The following MTERF4 variants were observed in gnomAD, a reference collection of about 807,000 sequenced individuals.
MTERF4 encodes mitochondrial transcription termination factor 4, also known as transcription termination factor 4, mitochondrial.
A neutral mutation model predicts 22.5 loss-of-function variants in MTERF4; 17 were observed. The observed-to-expected ratio is 0.75, with a 90% CI of 0.52 to 1.13. MTERF4 has a LOEUF of 1.13. Ranked by LOEUF, MTERF4 falls within the 50% of genes most tolerant of loss-of-function variation. The pLI, the probability that MTERF4 is intolerant of heterozygous loss-of-function variation, is 0.00. For missense variants in MTERF4, 420 were observed against 466.8 expected (o/e 0.90, Z 0.92); for synonymous variants, 165 against 175.3 (o/e 0.94, Z 0.47).
At chr2:241,087,942 G>A (rs1007687039), downstream of MTERF4, 5 of 403,812 alleles carry the variant, frequency 1.2e-5, no homozygotes, top group African/African-American at 6.2e-5. Context: ...CCACAGAGTC[G>A]AAGCCTGTCA....
chr2:241,089,365 C>T (rs775179349), downstream of MTERF4: 39 of 1,550,092 alleles, frequency 2.5e-5, no homozygotes, highest in Non-Finnish European at 3.1e-5. Flanking sequence ...TTGTTACGTG[C>T]CTAAAAAAAT....
chr2:241,046,196 A>G, the MTERF4 span, among the ~76,000 whole-genome samples: 1 of 152,230 alleles, frequency 6.6e-6, no homozygotes, highest in Non-Finnish European at 1.5e-5. Flanking sequence ...ACTCTCACAC[A>G]TTTTTAGTGG....
downstream of MTERF4, chr2:241,071,676 G>A (rs757543194): frequency 1.8e-4 from 282 of 1,552,284 alleles, 1 homozygote; most frequent in Non-Finnish European, 2.3e-4. Flanking sequence ...AGCTGCGCCT[G>A]CTCAATGACC....
chr2:241,054,203 G>A, the MTERF4 span, among the ~76,000 whole-genome samples: 1 of 152,076 alleles, frequency 6.6e-6, no homozygotes, highest in Admixed American at 6.5e-5. Flanking sequence ...CCACCTATAT[G>A]TTGCCAGAAG....
the MTERF4 span, chr2:241,065,177 T>C: frequency 9.7e-7 from 1 of 1,035,596 alleles, no homozygotes; most frequent in Non-Finnish European, 1.4e-6. Context: ...AAAGAAGGAC[T>C]CTGCCAGCGA....
At chr2:241,048,530 G>A in the MTERF4 span, 8 of 1,505,622 alleles carry the variant, frequency 5.3e-6, no homozygotes, top group East Asian at 4.8e-5. Context: ...GAAACGCCCC[G>A]AAAAGAAACG....
chr2:241,050,124 C>T, the MTERF4 span: 5 of 646,970 alleles, frequency 7.7e-6, no homozygotes, highest in Admixed American at 8.8e-5. Context: ...TTCTGATCTG[C>T]ACCAGTGCCA....
At position 241,096,560 on chromosome 2, in the gene MTERF4, C is replaced by A; in HGVS notation, c.706-122G>T. ...AAAAGAATTGCCTAATTGACAACAG[C>A]GAATACCCAGTCTAGGATACTGACA... On this transcript the variant is annotated intron_variant, in intron 3 of 3. Coordinates refer to ENST00000391980, the MANE Select transcript of MTERF4 (RefSeq NM_182501.4). The surrounding 1 kb of genome is among the most constrained non-coding windows in gnomAD (Gnocchi z 5.1). 9.7e-7 allele frequency: 1 copy of A among 1,031,126 alleles called. No homozygotes were observed. Among genetic ancestry groups the A allele is most frequent in the East Asian group, 2.5e-5 (1 of 40,778 alleles). 63.9% of individuals were successfully genotyped at this position (1,031,126 alleles called of 1,614,324 possible).
chr2:241,065,054 C>T, the MTERF4 span: 19 of 991,598 alleles, frequency 1.9e-5, no homozygotes, highest in Non-Finnish European at 2.6e-5. Flanking sequence ...CTGGCCGCTG[C>T]TTGCCCAGGC....
chr2:241,072,930 G>A lies in MTERF4; in HGVS notation n.3232C>T, dbSNP rs1024892410. 6 of 362,780 alleles carry A rather than the reference G, an allele frequency of 1.7e-5. No individual in the cohort carries two copies. The Admixed American group carries it at 2.1e-4, about 13-fold the overall frequency. 22.5% of individuals were successfully genotyped at this position (362,780 alleles called of 1,614,324 possible). ...CCTCCAAGAAGCAGGGGTGGAAGGAGAGGAATGCAGAATTTGACCCTAAGA... is the reference window on the plus strand; with the variant it reads ...CCTCCAAGAAGCAGGGGTGGAAGGAAAGGAATGCAGAATTTGACCCTAAGA... On this transcript the variant is annotated non_coding_transcript_exon_variant, in exon 5 of 5. Transcript: ENST00000464344.
At chr2:241,067,739 C>T, downstream of MTERF4, 1 of 1,583,930 alleles carries the variant, frequency 6.3e-7, no homozygotes, top group Non-Finnish European at 8.6e-7. Context: ...GGGCCGGCAC[C>T]TGCTGAACAG....
At chr2:241,066,840 G>C in the MTERF4 span, among the ~76,000 whole-genome samples, 7 of 152,206 alleles carry the variant, frequency 4.6e-5, no homozygotes, top group African/African-American at 4.8e-5. Flanking sequence ...ACAGGAGAAG[G>C]CATTCAAGGC....
downstream of MTERF4, chr2:241,069,001 C>T (rs181126526): frequency 3.5e-5 from 54 of 1,552,798 alleles, 1 homozygote; most frequent in East Asian, 6.8e-4. The surrounding 1 kb of genome is among the most constrained non-coding windows in gnomAD (Gnocchi z 4.9). Context: ...GCCTGGCCAC[C>T]GCGCCGACGC....
the MTERF4 span, among the ~76,000 whole-genome samples, chr2:241,052,740 G>A: frequency 1.1e-5 from 1 of 91,198 alleles, no homozygotes; most frequent in East Asian, 3.0e-4. Context: ...TGCCAGGCAG[G>A]TGAGAGGGCC....
At chr2:241,065,587 C>G in the MTERF4 span, 2 of 1,611,516 alleles carry the variant, frequency 1.2e-6, no homozygotes, top group Non-Finnish European at 1.7e-6. Flanking sequence ...GTGCTGCTGG[C>G]CCGCACGCGT....
downstream of MTERF4, chr2:241,092,365 GAC>G (rs2064085331): frequency 6.6e-6 from 1 of 152,176 alleles, no homozygotes; most frequent in Non-Finnish European, 1.5e-5. The surrounding 1 kb of genome is among the most constrained non-coding windows in gnomAD (Gnocchi z 4.6). Context: ...CAGTAGCGCA[GAC>G]ACAGCCACAG....
At chr2:241,053,118 C>A in the MTERF4 span, 3 of 1,588,608 alleles carry the variant, frequency 1.9e-6, no homozygotes, top group Admixed American at 1.8e-5. Context: ...CAGGAAGGCA[C>A]AGGACCGTGC....
At chr2:241,082,247 C>T, downstream of MTERF4, 1 of 1,570,140 alleles carries the variant, frequency 6.4e-7, no homozygotes, top group East Asian at 2.3e-5. Context: ...TCAGGAGCAC[C>T]TGGTGAGCCA....
At chr2:241,057,709 T>G in the MTERF4 span, among the ~76,000 whole-genome samples, 1 of 151,936 alleles carries the variant, frequency 6.6e-6, no homozygotes, top group African/African-American at 2.4e-5. Flanking sequence ...AGAAATAAAC[T>G]TAATACCTAA....
Sources: allele counts gnomAD v4.1 joint callset (sites outside exome capture counted in the v4.1 genomes callset), GRCh38; gene constraint gnomAD v4.1.1; non-coding constraint Gnocchi (gnomAD v3.1); transcripts MANE v1.5; gene names NCBI Gene and HGNC (gene_info 2026-07-23, HGNC 2026-07-21).